The following EIF4G3 variants were observed in gnomAD, a reference collection of about 807,000 sequenced individuals.
EIF4G3 encodes eukaryotic translation initiation factor 4 gamma 3, also known as eIF-4-gamma 3.
EIF4G3 carries 34 observed loss-of-function variants against 186.4 expected under a neutral mutation model. The observed-to-expected ratio is 0.18, with a 90% CI of 0.14 to 0.24. The LOEUF (loss-of-function observed/expected upper bound fraction) is 0.24, where lower values mean the gene tolerates loss of function less well. EIF4G3 is among the 10% of genes least tolerant of loss of function. EIF4G3 has a pLI of 1.00. For missense variants in EIF4G3, 1,536 were observed against 1,948.5 expected, an observed-to-expected ratio of 0.79 and a Z score of 3.99; for synonymous variants, 673 against 679.5, an observed-to-expected ratio of 0.99 and a Z score of 0.15.
chr1:20,957,378 C>T (rs2096457403), intron 12 of EIF4G3, among the ~76,000 whole-genome samples: 1 of 151,892 alleles, frequency 6.6e-6, no homozygotes, highest in Admixed American at 6.6e-5. Flanking sequence ...CTCTGGAGTA[C>T]AGCAAAAGAA....
chr1:20,941,450 T>G, intron 14 of EIF4G3, 41 bp downstream of exon 14: 1 of 1,607,176 alleles, frequency 6.2e-7, no homozygotes, highest in Non-Finnish European at 8.5e-7. Context: ...TGCCTCTTCT[T>G]CATGTTCAGC....
At chr1:21,036,096 A>G (rs534705446) in intron 4 of EIF4G3, among the ~76,000 whole-genome samples, 3 of 151,176 alleles carry the variant, frequency 2.0e-5, no homozygotes, top group Non-Finnish European at 3.0e-5. Context: ...TCTGGCTGAG[A>G]GCAACAGACA....
chr1:21,074,534 A>AC (rs1162200072), intron 3 of EIF4G3, among the ~76,000 whole-genome samples: 2 of 152,170 alleles, frequency 1.3e-5, no homozygotes, highest in Non-Finnish European at 2.9e-5. Context: ...GGAGAAAAAA[A>AC]TAATAATAAT....
At chr1:21,115,737 A>C (rs1283223072) in intron 2 of EIF4G3, among the ~76,000 whole-genome samples, 3 of 152,138 alleles carry the variant, frequency 2.0e-5, no homozygotes, top group Non-Finnish European at 4.4e-5. Context: ...GTTTTTAAAG[A>C]AACAGAGTCT....
chr1:21,165,525 T>A (rs1049903598), intron 2 of EIF4G3, among the ~76,000 whole-genome samples: 1 of 152,212 alleles, frequency 6.6e-6, no homozygotes, highest in African/African-American at 2.4e-5. Flanking sequence ...GAAGTGCTAA[T>A]ACATGGTTAC....
At chr1:21,061,910 G>A (rs569386182) in intron 3 of EIF4G3, among the ~76,000 whole-genome samples, 3 of 151,804 alleles carry the variant, frequency 2.0e-5, no homozygotes, top group African/African-American at 7.3e-5. Flanking sequence ...ACCATGCCTG[G>A]CTAATTTTTG....
In EIF4G3 at chr1:21,105,822, G is replaced by A. The variant is rs1482308235; in HGVS notation, c.-271-16609C>T. Among the ~76,000 whole-genome samples the A allele has an allele frequency of 2.0e-5, 3 of 152,288 alleles. No homozygotes were observed. In the East Asian group the frequency reaches 5.8e-4, roughly 29 times the overall value. On this transcript the variant is annotated intron_variant, in intron 2 of 36. Transcript: ENST00000602326. ...TCACTCCTATAATCCCAGCACTTTGGAAGGCCAATGTAGGAGGACTGGTTG... is the reference window on the plus strand; with the variant it reads ...TCACTCCTATAATCCCAGCACTTTGAAAGGCCAATGTAGGAGGACTGGTTG...
intron 2 of EIF4G3, among the ~76,000 whole-genome samples, chr1:21,147,105 A>G (rs2097456201): frequency 6.6e-6 from 1 of 151,440 alleles, no homozygotes. Flanking sequence ...TACTAAAAAT[A>G]CAAAAAACTA....
chr1:20,899,624 A>G (rs2154556492), intron 16 of EIF4G3, 73 bp downstream of exon 16: 2 of 1,551,588 alleles, frequency 1.3e-6, no homozygotes, highest in Non-Finnish European at 1.8e-6. Context: ...TATCTCTCTA[A>G]AAAGAGGCAA....
intron 2 of EIF4G3, among the ~76,000 whole-genome samples, chr1:21,146,140 G>A (rs191298261): frequency 2.0e-3 from 298 of 151,996 alleles, no homozygotes; most frequent in Middle Eastern, 0.017. Flanking sequence ...GATTACTTGA[G>A]CCCAGGAATC....
intron 19 of EIF4G3, among the ~76,000 whole-genome samples, chr1:20,883,602 G>A (rs1329939355): frequency 6.6e-6 from 1 of 151,428 alleles, no homozygotes; most frequent in Non-Finnish European, 1.5e-5. Context: ...GGGTGACAGA[G>A]CGAGAGCGAG....
At chr1:21,023,232 TCCCC>T (rs1557569731) in intron 4 of EIF4G3, among the ~76,000 whole-genome samples, 3 of 18,428 alleles carry the variant, frequency 1.6e-4, no homozygotes, top group Admixed American at 7.0e-4. Flanking sequence ...TCCCTCTCCC[TCCCC>T]CTCCCCTCCC....
At chr1:21,139,764 G>C (rs1032070217) in intron 2 of EIF4G3, among the ~76,000 whole-genome samples, 2 of 152,072 alleles carry the variant, frequency 1.3e-5, no homozygotes, top group African/African-American at 4.8e-5. Context: ...TTACAGCCAC[G>C]ATCATCACAA....
At chr1:20,943,390 T>C (rs1558358776) in intron 13 of EIF4G3, among the ~76,000 whole-genome samples, 1 of 152,204 alleles carries the variant, frequency 6.6e-6, no homozygotes, top group Non-Finnish European at 1.5e-5. Flanking sequence ...CTGGTCATCA[T>C]AATGCGGGTA....
At chr1:20,856,332 A>G (rs1281367710) in intron 25 of EIF4G3, among the ~76,000 whole-genome samples, 5 of 152,098 alleles carry the variant, frequency 3.3e-5, no homozygotes, top group African/African-American at 1.2e-4. Flanking sequence ...TTCATGTAGT[A>G]TTTTCACATT....
intron 4 of EIF4G3, among the ~76,000 whole-genome samples, chr1:21,010,614 T>C (rs910364697): frequency 1.4e-4 from 22 of 152,202 alleles, no homozygotes; most frequent in African/African-American, 5.1e-4. Context: ...TTAAATTGTA[T>C]TTATATACAT....
At chr1:20,859,254 CTT>C (rs1460178595) in intron 24 of EIF4G3, among the ~76,000 whole-genome samples, 3 of 152,146 alleles carry the variant, frequency 2.0e-5, no homozygotes, top group African/African-American at 7.2e-5. Flanking sequence ...GCTTTGGTAT[CTT>C]CTCCTTTTCC....
chr1:21,040,441 T>C (rs1173464907), intron 4 of EIF4G3, among the ~76,000 whole-genome samples: 1 of 152,164 alleles, frequency 6.6e-6, no homozygotes, highest in Non-Finnish European at 1.5e-5. Flanking sequence ...CATGTTTTCC[T>C]GAGATCTGTA....
At chr1:21,168,895 C>A (rs1291765018) in intron 2 of EIF4G3, among the ~76,000 whole-genome samples, 19 of 151,988 alleles carry the variant, frequency 1.3e-4, no homozygotes, top group Non-Finnish European at 8.8e-5. Flanking sequence ...GTGGTTATCA[C>A]AGCTACACAC....
Sources: allele counts gnomAD v4.1 joint callset (sites outside exome capture counted in the v4.1 genomes callset), GRCh38; gene constraint gnomAD v4.1.1; transcripts MANE v1.5; gene names NCBI Gene and HGNC (gene_info 2026-07-23, HGNC 2026-07-21).